Variants in UNC13C observed in about 807,000 individuals in gnomAD.
UNC13C encodes unc-13 homolog C.
In UNC13C, 174 loss-of-function variants were observed where a neutral mutation model predicts 245.4. The ratio of observed to expected loss-of-function variants is 0.71; its 90% CI spans 0.63 to 0.80. UNC13C has a LOEUF of 0.80. Ranked by LOEUF, UNC13C falls within the 30% of genes least tolerant of loss-of-function variation. UNC13C has a pLI of 0.00. For missense variants in UNC13C, 2,829 were observed against 2,602.9 expected, an observed-to-expected ratio of 1.09 and a Z score of -1.89; for synonymous variants, 992 against 895.1, an observed-to-expected ratio of 1.11 and a Z score of -1.93.
intron 2 of UNC13C, among the ~76,000 whole-genome samples, chr15:54,024,527 G>T (rs750970215): frequency 2.0e-5 from 3 of 152,106 alleles, no homozygotes; most frequent in Non-Finnish European, 4.4e-5. Flanking sequence ...AGTAGCTTAG[G>T]TTGCCTCCAT....
chr15:54,496,401 G>T (rs757234860), intron 20 of UNC13C, among the ~76,000 whole-genome samples: 2 of 151,968 alleles, frequency 1.3e-5, no homozygotes, highest in Non-Finnish European at 2.9e-5. Flanking sequence ...ATTCCTTAAA[G>T]AACTAAAAGT....
Position 54,483,350 on chromosome 15 carries a change from A to C in UNC13C, c.4934-11258A>C, listed in dbSNP as rs184030820. 5.3e-5 allele frequency among the ~76,000 whole-genome samples: 8 copies of C among 152,272 alleles called. No individual in the cohort carries two copies. In the East Asian group the frequency reaches 1.5e-3, roughly 29 times the overall value. ...CTGAATGCTTATTCCAGACTTACCAAATCTCTGAGAGTAGGGGTCAGGAAT... is the reference window on the plus strand; with the variant it reads ...CTGAATGCTTATTCCAGACTTACCACATCTCTGAGAGTAGGGGTCAGGAAT... On this transcript the variant is annotated intron_variant, in intron 19 of 32. Coordinates refer to ENST00000260323, the MANE Select transcript of UNC13C (RefSeq NM_001080534.3).
At chr15:54,190,407 G>A (rs1389638767) in intron 4 of UNC13C, among the ~76,000 whole-genome samples, 2 of 152,002 alleles carry the variant, frequency 1.3e-5, no homozygotes, top group Non-Finnish European at 2.9e-5. Flanking sequence ...TTTCCTTAGG[G>A]AGAGCTCACT....
At chr15:54,432,585 G>A (rs2040893965) in intron 19 of UNC13C, among the ~76,000 whole-genome samples, 1 of 151,962 alleles carries the variant, frequency 6.6e-6, no homozygotes, top group Non-Finnish European at 1.5e-5. Context: ...GAATCTCTGG[G>A]ACACAGCTAA....
chr15:54,166,887 T>G (rs569584747), intron 4 of UNC13C, among the ~76,000 whole-genome samples: 7 of 152,308 alleles, frequency 4.6e-5, no homozygotes, highest in African/African-American at 1.7e-4. Context: ...GTTGCAATAT[T>G]GATAAAATCT....
the UNC13C span, among the ~76,000 whole-genome samples, chr15:53,864,562 AT>A: frequency 6.6e-6 from 1 of 152,206 alleles, no homozygotes; most frequent in African/African-American, 2.4e-5. Context: ...GTTCCTGTGA[AT>A]TTCAGTTTTA....
At chr15:54,476,626 C>T (rs1892757102) in intron 19 of UNC13C, among the ~76,000 whole-genome samples, 1 of 151,804 alleles carries the variant, frequency 6.6e-6, no homozygotes, top group African/African-American at 2.4e-5. Context: ...TGTAGATATG[C>T]AGCGTTGTTT....
chr15:54,544,267 C>G (rs1174379777), intron 26 of UNC13C, among the ~76,000 whole-genome samples: 1 of 152,130 alleles, frequency 6.6e-6, no homozygotes, highest in Non-Finnish European at 1.5e-5. Context: ...AAAAAACTCT[C>G]AATAAAATAG....
At chr15:54,303,444 T>A (rs1285571019) in intron 13 of UNC13C, among the ~76,000 whole-genome samples, 2 of 152,008 alleles carry the variant, frequency 1.3e-5, no homozygotes, top group Non-Finnish European at 2.9e-5. Flanking sequence ...TGGGAGCTGA[T>A]GTTAGATTCA....
intron 19 of UNC13C, among the ~76,000 whole-genome samples, chr15:54,484,751 A>C (rs564822361): frequency 6.6e-6 from 1 of 152,206 alleles, no homozygotes; most frequent in East Asian, 1.9e-4. Context: ...AAATTCCTAC[A>C]GTTTGTTTTT....
At chr15:54,536,781 C>T (rs1349822742) in intron 26 of UNC13C, among the ~76,000 whole-genome samples, 4 of 151,942 alleles carry the variant, frequency 2.6e-5, no homozygotes, top group African/African-American at 4.8e-5. Flanking sequence ...AATTCAACAT[C>T]GCCTCATGTT....
chr15:54,210,335 T>C (rs186894890), intron 4 of UNC13C, among the ~76,000 whole-genome samples: 129 of 151,550 alleles, frequency 8.5e-4, no homozygotes, highest in African/African-American at 3.0e-3. Context: ...TCAGTTACTT[T>C]GTCACTAATT....
intron 30 of UNC13C, among the ~76,000 whole-genome samples, chr15:54,605,570 T>C (rs921896204): frequency 1.3e-5 from 2 of 152,180 alleles, no homozygotes; most frequent in Admixed American, 6.5e-5. Flanking sequence ...AAAATTCTAA[T>C]GTAATTGTCC....
chr15:54,331,515 T>A (rs1247448187), intron 14 of UNC13C, among the ~76,000 whole-genome samples: 1 of 150,946 alleles, frequency 6.6e-6, no homozygotes, highest in African/African-American at 2.4e-5. Flanking sequence ...TCCTTTCAGA[T>A]ATGAAGTCTG....
chr15:54,632,583 T>C (rs1901474763), downstream of UNC13C: 1 of 152,218 alleles, frequency 6.6e-6, no homozygotes, highest in African/African-American at 2.4e-5. Flanking sequence ...AAACTAATTT[T>C]CATAGGCATG....
At chr15:53,999,257 T>C (rs1427622320) in intron 1 of UNC13C, among the ~76,000 whole-genome samples, 1 of 151,834 alleles carries the variant, frequency 6.6e-6, no homozygotes. Context: ...ATTACATATG[T>C]ATATGTAAGA....
At chr15:54,076,111 ATT>A (rs201240549) in intron 2 of UNC13C, among the ~76,000 whole-genome samples, 9 of 130,280 alleles carry the variant, frequency 6.9e-5, no homozygotes, top group African/African-American at 2.5e-4. Context: ...ATATATATAT[ATT>A]TTTTTTTATT....
At chr15:54,552,682 T>A (rs1164057554) in intron 28 of UNC13C, among the ~76,000 whole-genome samples, 6 of 84,642 alleles carry the variant, frequency 7.1e-5, no homozygotes, top group Non-Finnish European at 1.2e-4. Flanking sequence ...TATAATATAA[T>A]TATATAATTA....
chr15:54,060,318 G>A (rs868616765), intron 2 of UNC13C, among the ~76,000 whole-genome samples: 2 of 152,278 alleles, frequency 1.3e-5, no homozygotes, highest in African/African-American at 4.8e-5. Flanking sequence ...GATATGAACA[G>A]ACACTTCTCA....
Sources: allele counts gnomAD v4.1 joint callset (sites outside exome capture counted in the v4.1 genomes callset), GRCh38; gene constraint gnomAD v4.1.1; transcripts MANE v1.5; gene names NCBI Gene and HGNC (gene_info 2026-07-23, HGNC 2026-07-21).